The following PNISR variants were observed in gnomAD, a reference collection of about 807,000 sequenced individuals.
PNISR encodes the protein arginine/serine-rich protein PNISR.
PNISR carries 20 observed loss-of-function variants against 93.4 expected under a neutral mutation model. The observed-to-expected ratio is 0.21, with a 90% CI of 0.15 to 0.31. The LOEUF (loss-of-function observed/expected upper bound fraction) is 0.31, where lower values mean the gene tolerates loss of function less well. Among genes scored for constraint, PNISR ranks in the 10% least tolerant of loss-of-function variants. The pLI is 1.00. For synonymous variants in PNISR, 305 were observed against 306.5 expected, an observed-to-expected ratio of 0.99 and a Z score of 0.05; for missense variants, 893 against 985.4, an observed-to-expected ratio of 0.91 and a Z score of 1.25.
In PNISR at chr6:99,421,708, T is replaced by C. The variant is rs1196136984; in HGVS notation, c.-112+3507A>G. 2.6e-5 allele frequency among the ~76,000 whole-genome samples: 4 copies of C among 152,284 alleles called. No homozygotes were observed. In the East Asian group the frequency reaches 7.7e-4, roughly 29 times the overall value. On this transcript the variant is annotated intron_variant, in intron 1 of 11. Coordinates refer to ENST00000369239, the MANE Select transcript of PNISR (RefSeq NM_032870.4). ...CCTTCAGAACTGTGGAAGAATAAAT[T>C]TCTGTTGTTTGAAATCAGCCAGTTT... is the stretch of plus-strand genomic sequence containing the variant.
At position 99,425,257 on chromosome 6, in the gene PNISR, A is replaced by G. The variant is rs1779360237; in HGVS notation, c.-154T>C. On this transcript the variant is annotated 5_prime_UTR_variant, in exon 1 of 12. Transcript: ENST00000369239. The stretch of plus-strand genomic sequence containing the variant: ...CACCCTTGTCGCCGCCGTTCCGGTA[A>G]CACCTCTCCAACGCTTTCGATGCTT... 1.6e-6 allele frequency: 2 copies of G among 1,232,044 alleles called. No individual in the cohort carries two copies. The highest frequency in any genetic ancestry group is 4.1e-5 in the South Asian group (1 of 24,328). 76.3% of individuals were successfully genotyped at this position (1,232,044 alleles called of 1,614,324 possible).
At chr6:99,420,173 C>T (rs562659199) in intron 1 of PNISR, among the ~76,000 whole-genome samples, 5 of 152,302 alleles carry the variant, frequency 3.3e-5, no homozygotes, top group East Asian at 3.9e-4. Flanking sequence ...TGAGCTATCG[C>T]TCCCGGCCCA....
At chr6:99,407,450 T>TAAAAGTAATTTATGGAATTGAAGC (rs1384653365) in intron 7 of PNISR, among the ~76,000 whole-genome samples, 56 of 151,782 alleles carry the variant, frequency 3.7e-4, no homozygotes, top group African/African-American at 7.5e-4. Context: ...TTGGGAAAAA[T>TAAAAGTAATTTATGGAATTGAAGC]AAAAGTAATT....
chr6:99,418,715 G>A (rs960469078), intron 1 of PNISR, among the ~76,000 whole-genome samples: 1 of 152,204 alleles, frequency 6.6e-6, no homozygotes. Flanking sequence ...AGTAAAGAAG[G>A]TGATGGTAAG....
chr6:99,409,406 CGT>C, intron 5 of PNISR, 62 bp from the exon 6 acceptor site: 4 of 1,469,916 alleles, frequency 2.7e-6, no homozygotes, highest in Non-Finnish European at 3.8e-6. Flanking sequence ...CTGGGACACA[CGT>C]GTGTTATGAA....
Position 99,406,159 on chromosome 6 carries a change from C to T in PNISR, c.874G>A (p.Glu292Lys). The change falls in exon 8 of 12, where the codon GAG (glutamate) becomes AAG (lysine). Residue 292 changes from glutamate (E) to lysine (K), a missense_variant. Glu to Lys is a moderately conservative substitution (Grantham distance 56). This residue lies in a region of PNISR where 866 missense variants were observed against 935.1 expected (regional missense o/e 0.93). Coordinates refer to ENST00000369239, the MANE Select transcript of PNISR (RefSeq NM_032870.4). The part of the protein sequence containing the change: ...LPQRSKFDSD[E>K]EEEDTENVEA... ...ACATTTTCAGTGTCTTCTTCTTCCT[C>T]ATCACTATCCTATAAAAAACAATAG... The T allele has an allele frequency of 6.2e-7, 1 of 1,606,596 alleles. No individual in the cohort carries two copies. Among genetic ancestry groups the T allele is most frequent in the East Asian group, 2.2e-5 (1 of 44,766 alleles).
At chr6:99,409,481 G>A (rs1776610585) in intron 5 of PNISR, 137 bp from the exon 6 acceptor site, 2 of 687,732 alleles carry the variant, frequency 2.9e-6, no homozygotes, top group Non-Finnish European at 4.7e-6. Flanking sequence ...AATATCCACC[G>A]ATACTTCTAT....
At chr6:99,412,260 A>G in intron 4 of PNISR, 1 of 550,208 alleles carries the variant, frequency 1.8e-6, no homozygotes, top group South Asian at 1.5e-5. Context: ...AGAGACAAAG[A>G]ATGCTCTCTT....
intron 3 of PNISR, among the ~76,000 whole-genome samples, chr6:99,413,867 C>G (rs2128489425): frequency 6.6e-6 from 1 of 152,256 alleles, no homozygotes; most frequent in South Asian, 2.1e-4. Flanking sequence ...ACTTAACAAA[C>G]CTAGCTCTTT....
At chr6:99,404,207 C>A in intron 9 of PNISR, 3 of 370,860 alleles carry the variant, frequency 8.1e-6, no homozygotes, top group Non-Finnish European at 4.9e-6. Context: ...TAGGAAATCA[C>A]TTGCTTCTGT....
In PNISR at chr6:99,401,160, T is replaced by A. The variant is rs1488918264; in HGVS notation, c.1798A>T (p.Asn600Tyr). 2 of 1,614,102 alleles carry A rather than the reference T, an allele frequency of 1.2e-6. No homozygotes were observed. Among genetic ancestry groups the A allele is most frequent in the African/African-American group, 2.7e-5 (2 of 75,052 alleles). ...KIRDRRRSNR[N>Y]SIERERRRNR... ...CGTCGTCTTTCTCTTTCAATGCTAT[T>A]TCTATTAGATCTCCTTCTATCTCTA... Residue 600 changes from asparagine to tyrosine, a missense_variant, in exon 12 of 12, where the codon AAT becomes TAT. Coordinates refer to ENST00000369239, the MANE Select transcript of PNISR (RefSeq NM_032870.4).
In PNISR at chr6:99,410,936, G is replaced by T; in HGVS notation, c.306C>A (p.His102Gln). ...PEWGMHQQPP[H>Q]PPPDQPWMPP... ...GCATCCATGGCTGATCTGGAGGGGG[G>T]TGTGGGGGTTGCTGATGCATTCCCC... Residue 102 changes from histidine to glutamine, a missense_variant, in exon 5 of 12, where the codon CAC becomes CAA. Transcript: ENST00000369239. The T allele has an allele frequency of 6.2e-7, 1 of 1,613,868 alleles. No homozygotes were observed. Among genetic ancestry groups the T allele is most frequent in the Non-Finnish European group, 8.5e-7 (1 of 1,179,802 alleles).
chr6:99,406,972 A>C (rs1382466794), intron 7 of PNISR, among the ~76,000 whole-genome samples: 1 of 151,718 alleles, frequency 6.6e-6, no homozygotes, highest in East Asian at 1.9e-4. Flanking sequence ...ATTTCCAAAC[A>C]ATTTTTGATG....
intron 2 of PNISR, 157 bp downstream of exon 2, chr6:99,416,192 T>C: frequency 2.6e-6 from 1 of 388,494 alleles, no homozygotes; most frequent in Non-Finnish European, 4.5e-6. Context: ...CCTCCCCTTT[T>C]TGTCCTGTCC....
intron 6 of PNISR, among the ~76,000 whole-genome samples, chr6:99,408,874 T>C (rs949304381): frequency 2.6e-5 from 4 of 152,334 alleles, no homozygotes; most frequent in African/African-American, 9.6e-5. Flanking sequence ...CTCATATATC[T>C]GTATAATGTA....
intron 9 of PNISR, chr6:99,404,297 A>C: frequency 2.5e-6 from 1 of 406,550 alleles, no homozygotes; most frequent in Non-Finnish European, 4.5e-6. Context: ...CAGAAGTCAC[A>C]CAACAATGCC....
rs943341025 is a variant in PNISR, at chr6:99,425,241, C to A, written c.-138G>T. The A allele has an allele frequency of 2.4e-6, 3 of 1,232,032 alleles. No individual in the cohort carries two copies. The African/African-American group carries it at 4.7e-5, about 19-fold the overall frequency. 76.3% of individuals were successfully genotyped at this position (1,232,032 alleles called of 1,614,324 possible). A position where few individuals can be genotyped will look rare whatever the true frequency, so the allele number is the denominator to read the frequency against. On this transcript the variant is annotated 5_prime_UTR_variant, in exon 1 of 12. Transcript: ENST00000369239. ...CACTCTAGTTCGGGAACACCCTTGTCGCCGCCGTTCCGGTAACACCTCTCC... is the reference window on the plus strand; with the variant it reads ...CACTCTAGTTCGGGAACACCCTTGTAGCCGCCGTTCCGGTAACACCTCTCC...
rs1779212082 is a variant in PNISR at position 99,424,738 on chromosome 6, C to A, written c.-112+477G>T. On this transcript the variant is annotated intron_variant, in intron 1 of 11. Transcript: ENST00000369239. ...TAAAAAACTGAAATATTGGATACTA[C>A]CTTTAGCGAAGCTTAACACATAATA... Among the ~76,000 whole-genome samples the A allele has an allele frequency of 5.9e-5, 9 of 152,246 alleles. No individual in the cohort carries two copies. The South Asian group carries it at 1.7e-3, about 28-fold the overall frequency.
intron 1 of PNISR, among the ~76,000 whole-genome samples, chr6:99,424,749 G>A (rs1380945120): frequency 1.3e-5 from 2 of 152,244 alleles, no homozygotes; most frequent in African/African-American, 2.4e-5. Flanking sequence ...CTTTAGCGAA[G>A]CTTAACACAT....
Sources: gnomAD v4.1 joint callset for allele counts (sites outside exome capture counted in the v4.1 genomes callset) on GRCh38, gnomAD v4.1.1 for gene constraint, gnomAD v4.1.1 regional missense constraint, MANE v1.5 for transcripts, NCBI Gene and HGNC (gene_info 2026-07-23, HGNC 2026-07-21) for gene names.